PSMD12: variants seen among roughly 807,000 people sequenced by gnomAD.
PSMD12 encodes 26S proteasome non-ATPase regulatory subunit 12.
A neutral mutation model predicts 62.9 loss-of-function variants in PSMD12; 8 were observed. The observed-to-expected ratio is 0.13, with a 90% confidence interval of 0.07 to 0.23. The LOEUF (loss-of-function observed/expected upper bound fraction) is 0.23. Among genes scored for constraint, PSMD12 ranks in the 10% least tolerant of loss-of-function variants. The probability of loss-of-function intolerance (pLI) is 1.00; values close to 1 mark genes in which losing one functional copy is unlikely to be tolerated. For missense variants in PSMD12, 424 were observed against 550.2 expected (o/e 0.77, Z 2.29); for synonymous variants, 173 against 187.4 (o/e 0.92, Z 0.63).
chr17:67,343,051 G>C (rs573049073), intron 9 of PSMD12, among the ~76,000 whole-genome samples: 2 of 151,978 alleles, frequency 1.3e-5, no homozygotes, highest in African/African-American at 4.8e-5. Flanking sequence ...ACTGGCGATG[G>C]TGCTGAAGTT....
At position 67,338,373 on chromosome 17, in the gene PSMD12, G is replaced by T. The variant is rs1288723585; in HGVS notation, c.*2470C>A. The T allele has an allele frequency of 6.6e-6, 1 of 152,166 alleles. No individual in the cohort carries two copies. Among genetic ancestry groups the T allele is most frequent in the Non-Finnish European group, 1.5e-5 (1 of 68,032 alleles). The allele number at this position is 152,166 out of a possible 1,614,324, so 9.4% of individuals were successfully genotyped here. On this transcript the variant is annotated 3_prime_UTR_variant, in exon 11 of 11. Coordinates refer to ENST00000356126, the MANE Select transcript of PSMD12 (RefSeq NM_002816.5). The stretch of plus-strand genomic sequence containing the variant: ...TTTCACTATTGTACTTTATGCTAAT[G>T]AATTATTTTGTAATACTAAGAAAAT...
chr17:67,348,384 G>C (rs77794831), intron 5 of PSMD12, among the ~76,000 whole-genome samples, 166 bp downstream of exon 5: 1 of 152,132 alleles, frequency 6.6e-6, no homozygotes, highest in Non-Finnish European at 1.5e-5. Flanking sequence ...ATGAGGAAAT[G>C]ACAATTTTCA....
intron 1 of PSMD12, among the ~76,000 whole-genome samples, chr17:67,360,872 T>C (rs944672936): frequency 1.5e-4 from 23 of 152,246 alleles, no homozygotes; most frequent in African/African-American, 5.3e-4. Context: ...ACTATACCGT[T>C]GACAATTTAG....
chr17:67,354,962 C>G (rs1381293316), intron 3 of PSMD12, among the ~76,000 whole-genome samples: 1 of 152,136 alleles, frequency 6.6e-6, no homozygotes, highest in Non-Finnish European at 1.5e-5. Flanking sequence ...TGCACTCCAG[C>G]CTGGGGGACA....
intron 3 of PSMD12, among the ~76,000 whole-genome samples, chr17:67,351,432 T>TAATAATAATAATA (rs1418493805): frequency 5.2e-5 from 5 of 96,982 alleles, no homozygotes; most frequent in Admixed American, 2.0e-4. Flanking sequence ...TAATAATAAT[T>TAATAATAATAATA]AGGACCATGA....
rs769614216 is a variant in PSMD12, at chr17:67,342,176, T to C, written c.1161+10A>G. 1 of 1,535,826 alleles carries C rather than the reference T, an allele frequency of 6.5e-7. No homozygotes were observed. The highest frequency in any genetic ancestry group is 2.3e-5 in the East Asian group (1 of 44,382). Reference sequence around the variant, plus strand: ...TGCCTACAAATAACTCAAAGTTGATTACTACTTACATCAACAGATAGATCC... The same window carrying C: ...TGCCTACAAATAACTCAAAGTTGATCACTACTTACATCAACAGATAGATCC... On this transcript the variant is annotated intron_variant, in intron 10 of 10. Coordinates refer to ENST00000356126, the MANE Select transcript of PSMD12 (RefSeq NM_002816.5).
intron 1 of PSMD12, among the ~76,000 whole-genome samples, chr17:67,360,799 T>C (rs1183324105): frequency 6.6e-6 from 1 of 152,234 alleles, no homozygotes; most frequent in Admixed American, 6.5e-5. Flanking sequence ...TGATCTGTAT[T>C]CAGTTGATCT....
intron 3 of PSMD12, among the ~76,000 whole-genome samples, chr17:67,352,777 C>T (rs140485222): frequency 7.7e-4 from 118 of 152,320 alleles, no homozygotes; most frequent in African/African-American, 2.6e-3. Flanking sequence ...AATCACCCTT[C>T]GGTCCAGTGT....
At chr17:67,360,329 C>T (rs2042117684) in intron 1 of PSMD12, among the ~76,000 whole-genome samples, 1 of 152,222 alleles carries the variant, frequency 6.6e-6, no homozygotes, top group African/African-American at 2.4e-5. Context: ...GAGAATCACA[C>T]ATTGGCCTAA....
At chr17:67,357,090 C>T in intron 3 of PSMD12, 2 of 498,254 alleles carry the variant, frequency 4.0e-6, no homozygotes, top group Non-Finnish European at 6.8e-6. Flanking sequence ...CTAAGTACAA[C>T]ACAATTTTTA....
chr17:67,364,003 C>T (rs191571287), intron 1 of PSMD12, among the ~76,000 whole-genome samples: 26 of 152,018 alleles, frequency 1.7e-4, no homozygotes, highest in African/African-American at 6.0e-4. Flanking sequence ...GAGCCAAGAC[C>T]GCGCCACTGC....
At chr17:67,360,127 G>C (rs999824726) in intron 1 of PSMD12, among the ~76,000 whole-genome samples, 2 of 152,132 alleles carry the variant, frequency 1.3e-5, no homozygotes, top group African/African-American at 4.8e-5. Flanking sequence ...TTTGATCAAA[G>C]TCATCTCTAT....
intron 3 of PSMD12, among the ~76,000 whole-genome samples, chr17:67,352,730 C>T (rs2143709463): frequency 6.6e-6 from 1 of 152,288 alleles, no homozygotes; most frequent in African/African-American, 2.4e-5. Flanking sequence ...AGCTGCACAC[C>T]ATTCTGAGTA....
intron 3 of PSMD12, among the ~76,000 whole-genome samples, chr17:67,353,410 C>T (rs1372607020): frequency 2.6e-5 from 4 of 151,784 alleles, no homozygotes; most frequent in African/African-American, 7.3e-5. Context: ...GGGGTTCAAG[C>T]GATTCTCCTG....
Position 67,340,531 on chromosome 17 carries a change from T to C in PSMD12, c.*312A>G, listed in dbSNP as rs1321896780. 8.9e-6 allele frequency: 2 copies of C among 224,416 alleles called. No homozygotes were observed. The highest frequency in any genetic ancestry group is 4.6e-5 in the African/African-American group (2 of 43,768). The allele number at this position is 224,416 out of a possible 1,614,324, so 13.9% of individuals were successfully genotyped here. On this transcript the variant is annotated 3_prime_UTR_variant, in exon 11 of 11. Transcript: ENST00000356126. ...GTATATACTGCTTTTATTATTGGAA[T>C]ATGTTTGTTAGTTGAATGAAAACAA... is the stretch of plus-strand genomic sequence containing the variant.
At position 67,355,121 on chromosome 17, in the gene PSMD12, C is replaced by T. The variant is rs1334428800; in HGVS notation, c.297+2182G>A. 5.4e-5 allele frequency among the ~76,000 whole-genome samples: 7 copies of T among 130,572 alleles called. No homozygotes were observed. In the Admixed American group the frequency reaches 6.2e-4, roughly 12 times the overall value. 85.7% of individuals were successfully genotyped at this position (130,572 alleles called of 152,430 possible). A position where few individuals can be genotyped will look rare whatever the true frequency, so the allele number is the denominator to read the frequency against. ...TTTTTTTTTTTTTGGAGACAAGAGT[C>T]TCATCCTGTTGCCCAGGCTGCAAAG... is the stretch of plus-strand genomic sequence containing the variant. On this transcript the variant is annotated intron_variant, in intron 3 of 10. Coordinates refer to ENST00000356126, the MANE Select transcript of PSMD12 (RefSeq NM_002816.5).
rs1207398943 is a variant in PSMD12, at chr17:67,364,701, C to T, written c.108+1711G>A. Among the ~76,000 whole-genome samples, 3 of 152,248 alleles carry T rather than the reference C, an allele frequency of 2.0e-5. No homozygotes were observed. In the East Asian group the frequency reaches 5.8e-4, roughly 29 times the overall value. On this transcript the variant is annotated intron_variant, in intron 1 of 10. Coordinates refer to ENST00000356126, the MANE Select transcript of PSMD12 (RefSeq NM_002816.5). ...TTGTTCTAGCTACATTGTATTGGCT[C>T]AAATAGTATTTTAATATGACAGATT... is the stretch of plus-strand genomic sequence containing the variant.
At position 67,366,418 on chromosome 17, in the gene PSMD12, T is replaced by G. The variant is rs2042179976; in HGVS notation, c.102A>C (p.Leu34=). The G allele has an allele frequency of 6.2e-7, 1 of 1,610,918 alleles. No individual in the cohort carries two copies. The highest frequency in any genetic ancestry group is 1.1e-5 in the South Asian group (1 of 91,008). Residue 34 remains leucine, a synonymous_variant, in exon 1 of 11, where the codon CTA becomes CTC. Transcript: ENST00000356126. ...CCAGCCGGCCTCTCCTCACCTTGGC[T>G]AGCTTCGCACACTCGGGTAGGCGCT... The part of the protein sequence containing the change: ...VDQRLPECAK[L]AKEGRLQEVI...
rs1204691717 is a variant in PSMD12, at chr17:67,339,488, G to C, written c.*1355C>G. 1.3e-5 allele frequency: 2 copies of C among 152,134 alleles called. No homozygotes were observed. Among genetic ancestry groups the C allele is most frequent in the Admixed American group, 6.5e-5 (1 of 15,272 alleles). The allele number at this position is 152,134 out of a possible 1,614,324, so 9.4% of individuals were successfully genotyped here. On this transcript the variant is annotated 3_prime_UTR_variant, in exon 11 of 11. Transcript: ENST00000356126. ...ATTGAATTTCCAAAGAATAAAATCA[G>C]ATTACTTCAGTACTGTATGTCATTA...
Sources: gnomAD v4.1 joint callset for allele counts (sites outside exome capture counted in the v4.1 genomes callset) on GRCh38, gnomAD v4.1.1 for gene constraint, MANE v1.5 for transcripts, NCBI Gene and HGNC (gene_info 2026-07-23, HGNC 2026-07-21) for gene names.